GSE1: variants seen among roughly 807,000 people sequenced by gnomAD.
The protein encoded by GSE1 is genetic suppressor element 1.
GSE1 carries 32 observed loss-of-function variants against 112.6 expected under a neutral mutation model. The ratio of observed to expected loss-of-function variants is 0.28; its 90% CI spans 0.21 to 0.38. GSE1 has a LOEUF of 0.38. Ranked by LOEUF, GSE1 falls within the 10% of genes least tolerant of loss-of-function variation. The probability of loss-of-function intolerance (pLI) is 1.00; values close to 1 mark genes in which losing one functional copy is unlikely to be tolerated. For missense variants in GSE1, 2,348 were observed against 1,699.2 expected, an observed-to-expected ratio of 1.38 and a Z score of -6.71; for synonymous variants, 1,115 against 735.6, an observed-to-expected ratio of 1.52 and a Z score of -8.35.
intron 2 of GSE1, among the ~76,000 whole-genome samples, chr16:85,487,234 A>T (rs991540131): frequency 1.2e-4 from 18 of 152,258 alleles, no homozygotes; most frequent in Non-Finnish European, 1.2e-4. Flanking sequence ...CCCCCAGGAA[A>T]AATTCTGCAT....
At chr16:85,372,906 G>A (rs1231449928) in intron 2 of GSE1, among the ~76,000 whole-genome samples, 3 of 152,196 alleles carry the variant, frequency 2.0e-5, no homozygotes, top group Non-Finnish European at 2.9e-5. Context: ...ACTTGCTGAC[G>A]GTCGTCCCGC....
rs1188497127 is a variant in GSE1, at chr16:85,673,351, G to T, written c.*812G>T. The T allele has an allele frequency of 1.3e-5, 2 of 151,434 alleles. No individual in the cohort carries two copies. The highest frequency in any genetic ancestry group is 4.9e-5 in the African/African-American group (2 of 41,034). The allele number at this position is 151,434 out of a possible 1,614,324, so 9.4% of individuals were successfully genotyped here. On this transcript the variant is annotated 3_prime_UTR_variant, in exon 16 of 16. Coordinates refer to ENST00000253458, the MANE Select transcript of GSE1 (RefSeq NM_014615.5). ...GTATATATATTAAAAAAAAAACAAA[G>T]TTTTGTATGTTTTTATTACTTTAAC...
chr16:85,322,847 C>G (rs1429284767), intron 1 of GSE1, among the ~76,000 whole-genome samples: 1 of 152,062 alleles, frequency 6.6e-6, no homozygotes, highest in Non-Finnish European at 1.5e-5. Context: ...AACTTCTGAC[C>G]TCAAGTGATC....
chr16:85,338,108 C>T (rs2046544086), intron 1 of GSE1, among the ~76,000 whole-genome samples: 3 of 152,238 alleles, frequency 2.0e-5, no homozygotes, highest in Admixed American at 2.0e-4. Context: ...TTGCTGACCA[C>T]CTGTCCTGTT....
chr16:85,261,389 G>A (rs1182059043), intron 1 of GSE1, among the ~76,000 whole-genome samples: 1 of 152,222 alleles, frequency 6.6e-6, no homozygotes, highest in Non-Finnish European at 1.5e-5. Flanking sequence ...TGAATTTCAC[G>A]CAGTTTTGAG....
At chr16:85,399,284 C>T (rs935337654) in intron 2 of GSE1, among the ~76,000 whole-genome samples, 4 of 152,206 alleles carry the variant, frequency 2.6e-5, no homozygotes, top group African/African-American at 9.7e-5. Flanking sequence ...GCTGGGCCCC[C>T]CCAGCACAGA....
Position 85,170,142 on chromosome 16 carries a change from CG to C in GSE1, c.624del (p.Arg209AlafsTer64), listed in dbSNP as rs2074335337. 1 of 985,302 alleles carries C rather than the reference CG, an allele frequency of 1.0e-6. No individual in the cohort carries two copies. The highest frequency in any genetic ancestry group is 1.2e-6 in the Non-Finnish European group (1 of 829,902). 61.0% of individuals were successfully genotyped at this position (985,302 alleles called of 1,614,324 possible). A position where few individuals can be genotyped will look rare whatever the true frequency, so the allele number is the denominator to read the frequency against. On this transcript the variant is annotated frameshift_variant, in exon 1 of 3. Coordinates refer to the GSE1 transcript ENST00000637419. LOFTEE classifies it high-confidence loss of function. ...ACGGGGCCCCAGGGCCAGGGCCTCG[CG>C]GGGGGCGCGGCCAGGAGTGGAGGCC...
chr16:85,222,413 C>G (rs758821397), intron 1 of GSE1, among the ~76,000 whole-genome samples: 2 of 152,158 alleles, frequency 1.3e-5, no homozygotes. Flanking sequence ...GAAATGGGGT[C>G]GGCACATTCC....
intron 2 of GSE1, among the ~76,000 whole-genome samples, chr16:85,502,635 T>C (rs1471515416): frequency 1.3e-5 from 2 of 152,222 alleles, no homozygotes; most frequent in Non-Finnish European, 1.5e-5. Context: ...CTTGAGATCA[T>C]GAGCTGAAAG....
At chr16:85,478,305 T>C (rs2050525376) in intron 2 of GSE1, among the ~76,000 whole-genome samples, 2 of 151,920 alleles carry the variant, frequency 1.3e-5, no homozygotes, top group Non-Finnish European at 1.5e-5. Context: ...GGCGGGCAGA[T>C]CACTTGAGAC....
chr16:85,442,300 T>C (rs2049394431), intron 2 of GSE1, among the ~76,000 whole-genome samples: 1 of 152,182 alleles, frequency 6.6e-6, no homozygotes, highest in Non-Finnish European at 1.5e-5. Context: ...CACTGTTCCT[T>C]GTTTGCGTGC....
chr16:85,179,001 T>A (rs893726496), intron 1 of GSE1, among the ~76,000 whole-genome samples: 1 of 152,074 alleles, frequency 6.6e-6, no homozygotes, highest in Non-Finnish European at 1.5e-5. Flanking sequence ...TTGTTTTAAT[T>A]GTGATACAAT....
intron 3 of GSE1, among the ~76,000 whole-genome samples, chr16:85,653,836 T>A (rs2051658091): frequency 6.6e-6 from 1 of 152,158 alleles, no homozygotes; most frequent in Non-Finnish European, 1.5e-5. Flanking sequence ...GCAGTTGACG[T>A]CTTGGCTACA....
At chr16:85,592,655 G>A (rs2047051897) in intron 1 of GSE1, 2 of 152,186 alleles carry the variant, frequency 1.3e-5, no homozygotes, top group African/African-American at 4.8e-5. Flanking sequence ...TGGTTACATC[G>A]GTTTTTATGT....
At chr16:85,368,676 G>C (rs1238521826) in intron 2 of GSE1, among the ~76,000 whole-genome samples, 1 of 152,208 alleles carries the variant, frequency 6.6e-6, no homozygotes, top group Non-Finnish European at 1.5e-5. Flanking sequence ...CTGTACTCCA[G>C]CCTGAGTGAC....
chr16:85,668,906 T>A (rs2053101938), intron 14 of GSE1, among the ~76,000 whole-genome samples: 2 of 152,256 alleles, frequency 1.3e-5, no homozygotes, highest in Non-Finnish European at 2.9e-5. Flanking sequence ...CCAAGCACTT[T>A]GCCTAAAAAG....
chr16:85,578,133 G>A (rs1481959101), intron 1 of GSE1, among the ~76,000 whole-genome samples: 1 of 152,246 alleles, frequency 6.6e-6, no homozygotes, highest in Non-Finnish European at 1.5e-5. Flanking sequence ...CACCCAGCAG[G>A]CTGGAGGAGA....
Position 85,396,768 on chromosome 16 carries a change from C to T in GSE1, c.2464+39125C>T, listed in dbSNP as rs192655440. 3.4e-3 allele frequency among the ~76,000 whole-genome samples: 525 copies of T among 152,304 alleles called. 1 individual carries two copies. The highest frequency in any genetic ancestry group is 5.5e-3 in the Non-Finnish European group (375 of 68,018). ...TTGACCCAGGAGTGGGTGAGGGTGGCGGCAGGGGAGGCTGTCTGGGAAGCG... is the reference window on the plus strand; with the variant it reads ...TTGACCCAGGAGTGGGTGAGGGTGGTGGCAGGGGAGGCTGTCTGGGAAGCG... On this transcript the variant is annotated intron_variant, in intron 2 of 2. Coordinates refer to the GSE1 transcript ENST00000637419.
At chr16:85,428,567 A>G (rs11646256) in intron 2 of GSE1, among the ~76,000 whole-genome samples, 29,281 of 152,156 alleles carry the variant, frequency 0.19, 3,388 homozygotes, top group East Asian at 0.5. Context: ...CCTCACTAAG[A>G]CAAGGTGTTT....
Sources: gnomAD v4.1 joint callset for allele counts (sites outside exome capture counted in the v4.1 genomes callset) on GRCh38, gnomAD v4.1.1 for gene constraint, MANE v1.5 for transcripts, NCBI Gene and HGNC (gene_info 2026-07-23, HGNC 2026-07-21) for gene names.